Variants in MTHFD1L observed in about 807,000 individuals in gnomAD.
The protein encoded by MTHFD1L is monofunctional C1-tetrahydrofolate synthase, mitochondrial.
MTHFD1L carries 81 observed loss-of-function variants against 119.5 expected under a neutral mutation model. The observed-to-expected ratio is 0.68, with a 90% CI of 0.57 to 0.82. The LOEUF is 0.82. Among genes scored for constraint, MTHFD1L ranks in the 40% least tolerant of loss-of-function variants. The probability of loss-of-function intolerance (pLI) is 0.00; values close to 1 mark genes in which losing one functional copy is unlikely to be tolerated. For synonymous variants in MTHFD1L, 430 were observed against 475.2 expected (o/e 0.90, Z 1.24); for missense variants, 1,125 against 1,253.4 (o/e 0.90, Z 1.55).
At chr6:150,870,756 C>T (rs983371649) in intron 1 of MTHFD1L, among the ~76,000 whole-genome samples, 1 of 151,522 alleles carries the variant, frequency 6.6e-6, no homozygotes, top group African/African-American at 2.4e-5. Context: ...ACTAAAAATA[C>T]AAAAATTAGC....
chr6:151,066,638 G>A (rs145293344), intron 26 of MTHFD1L, among the ~76,000 whole-genome samples: 1,960 of 148,590 alleles, frequency 0.013, 41 homozygotes, highest in African/African-American at 0.045. Flanking sequence ...GGTGGCAGGC[G>A]CCTGTTGTCC....
At chr6:151,069,004 G>A (rs910491548) in intron 26 of MTHFD1L, among the ~76,000 whole-genome samples, 9 of 152,168 alleles carry the variant, frequency 5.9e-5, no homozygotes, top group Admixed American at 5.2e-4. Flanking sequence ...TTTTTGGAAA[G>A]AGCTAAAACT....
chr6:150,870,746 AC>A (rs1485066041), intron 1 of MTHFD1L, among the ~76,000 whole-genome samples: 1 of 151,798 alleles, frequency 6.6e-6, no homozygotes, highest in Non-Finnish European at 1.5e-5. Flanking sequence ...CCCTGTCTCT[AC>A]TAAAAATACA....
intron 24 of MTHFD1L, among the ~76,000 whole-genome samples, chr6:151,033,550 G>A (rs564939026): frequency 5.9e-5 from 9 of 152,212 alleles, no homozygotes; most frequent in African/African-American, 9.6e-5. Flanking sequence ...ATCCCTTGCC[G>A]TATGCTATCA....
At chr6:150,909,530 C>T (rs1023031401) in intron 8 of MTHFD1L, among the ~76,000 whole-genome samples, 2 of 152,166 alleles carry the variant, frequency 1.3e-5, no homozygotes, top group African/African-American at 4.8e-5. Flanking sequence ...TGGTGTAAAC[C>T]ACCATGTCTG....
intron 19 of MTHFD1L, among the ~76,000 whole-genome samples, chr6:150,967,032 CT>C (rs1401035959): frequency 1.3e-5 from 2 of 152,218 alleles, no homozygotes; most frequent in Non-Finnish European, 2.9e-5. Context: ...TTCCTCTCCC[CT>C]GATCATTCTG....
intron 24 of MTHFD1L, among the ~76,000 whole-genome samples, chr6:151,016,346 T>A (rs528289451): frequency 6.6e-6 from 1 of 152,084 alleles, no homozygotes; most frequent in South Asian, 2.1e-4. Flanking sequence ...TTTTTTTTTT[T>A]GAGACAGTCT....
intron 7 of MTHFD1L, among the ~76,000 whole-genome samples, chr6:150,896,549 C>G (rs1350275670): frequency 2.0e-5 from 3 of 152,114 alleles, no homozygotes; most frequent in African/African-American, 7.2e-5. Flanking sequence ...ATCAGTAGCC[C>G]AGGTCATCAG....
In MTHFD1L at chr6:151,064,911, T is replaced by C. The variant is rs960880413; in HGVS notation, c.2848-27556T>C. Among the ~76,000 whole-genome samples, 5 of 152,046 alleles carry C rather than the reference T, an allele frequency of 3.3e-5. No homozygotes were observed. The South Asian group carries it at 6.2e-4, about 19-fold the overall frequency. ...TCCACCTCCTGGGTTCAAGTGATTC[T>C]CCTGCCTCAGCCTCCCCAAGTAGCT... On this transcript the variant is annotated intron_variant, in intron 26 of 27. Coordinates refer to ENST00000367321, the MANE Select transcript of MTHFD1L (RefSeq NM_015440.5).
chr6:151,022,237 T>C (rs1784040752), intron 24 of MTHFD1L: 2 of 320,504 alleles, frequency 6.2e-6, no homozygotes, highest in Admixed American at 4.0e-5. Flanking sequence ...CTTAAGAAAT[T>C]ATTTTCTACA....
rs769428005 is a variant in MTHFD1L at position 151,037,036 on chromosome 6, T to C, written c.2766T>C (p.Gly922=). 5.0e-6 allele frequency: 8 copies of C among 1,611,858 alleles called. No homozygotes were observed. The highest frequency in any genetic ancestry group is 6.8e-6 in the Non-Finnish European group (8 of 1,179,858). ...TATCTCACCAACCTGACAAAAAAGG[T>C]GTGCCAAGGGACTTCATCTTACCTA... ...LSLSHQPDKK[G]VPRDFILPIS... is the part of the protein sequence containing the mutation. The change falls in exon 26 of 28, where the codon GGT becomes GGC. Residue 922 remains glycine (G), a synonymous_variant. Transcript: ENST00000367321.
chr6:150,952,015 A>G (rs1794943110), intron 16 of MTHFD1L, among the ~76,000 whole-genome samples: 1 of 152,152 alleles, frequency 6.6e-6, no homozygotes, highest in Non-Finnish European at 1.5e-5. Context: ...TTAGACATGG[A>G]TCTTGGAAGA....
chr6:151,048,118 T>C (rs995688067), intron 26 of MTHFD1L, among the ~76,000 whole-genome samples: 1 of 152,082 alleles, frequency 6.6e-6, no homozygotes, highest in Non-Finnish European at 1.5e-5. Flanking sequence ...CCTCCAACAC[T>C]GAAGATCATA....
chr6:150,872,415 A>G (rs1390006577), intron 1 of MTHFD1L, among the ~76,000 whole-genome samples: 1 of 152,116 alleles, frequency 6.6e-6, no homozygotes, highest in Non-Finnish European at 1.5e-5. Flanking sequence ...GTAGTTACTA[A>G]TTGTCCTAAT....
In MTHFD1L at chr6:150,916,575, C is replaced by A. The variant is rs562774479; in HGVS notation, c.893-2002C>A. ...AACTCCTGACCTCAGGTGATCCACCCTACTCGGCCTCCTAGAGTCCTGGGA... is the reference window on the plus strand; with the variant it reads ...AACTCCTGACCTCAGGTGATCCACCATACTCGGCCTCCTAGAGTCCTGGGA... On this transcript the variant is annotated intron_variant, in intron 8 of 27. Coordinates refer to ENST00000367321, the MANE Select transcript of MTHFD1L (RefSeq NM_015440.5). Among the ~76,000 whole-genome samples the A allele has an allele frequency of 8.3e-5, 12 of 145,190 alleles. No homozygotes were observed. In the Admixed American group the frequency reaches 8.4e-4, roughly 10 times the overall value.
chr6:151,069,480 CCTT>C (rs1429899222), intron 26 of MTHFD1L, among the ~76,000 whole-genome samples: 1 of 152,140 alleles, frequency 6.6e-6, no homozygotes, highest in Admixed American at 6.5e-5. Flanking sequence ...CTTCACCCCT[CCTT>C]ACCCTTGACC....
At position 150,936,876 on chromosome 6, in the gene MTHFD1L, C is replaced by T. The variant is rs751226512; in HGVS notation, c.1329C>T (p.His443=). The T allele has an allele frequency of 1.9e-6, 3 of 1,614,166 alleles. No individual in the cohort carries two copies. The highest frequency in any genetic ancestry group is 1.7e-5 in the Admixed American group (1 of 60,024). ...TIGLVQALTA[H]LNVNSFACLR... is the part of the protein sequence containing the mutation. ...GGCTTGTGCAGGCTCTGACCGCACACCTGAATGTCAACTCCTTTGCCTGCT... is the reference window on the plus strand; with the variant it reads ...GGCTTGTGCAGGCTCTGACCGCACATCTGAATGTCAACTCCTTTGCCTGCT... The change falls in exon 12 of 28, where the codon CAC becomes CAT. Residue 443 remains histidine, a synonymous_variant. Transcript: ENST00000367321.
intron 21 of MTHFD1L, among the ~76,000 whole-genome samples, chr6:151,010,958 C>T (rs1215098856): frequency 6.6e-6 from 1 of 152,146 alleles, no homozygotes; most frequent in Non-Finnish European, 1.5e-5. Flanking sequence ...GAGAGGTGGA[C>T]ATGATTTTTA....
intron 20 of MTHFD1L, among the ~76,000 whole-genome samples, chr6:150,981,839 G>A (rs978085612): frequency 4.6e-5 from 7 of 152,180 alleles, no homozygotes; most frequent in Non-Finnish European, 7.3e-5. Context: ...TAATTCCACT[G>A]CTTTTGGAGG....
Sources: allele counts gnomAD v4.1 joint callset (sites outside exome capture counted in the v4.1 genomes callset), GRCh38; gene constraint gnomAD v4.1.1; transcripts MANE v1.5; gene names NCBI Gene and HGNC (gene_info 2026-07-23, HGNC 2026-07-21).